DPP6: variants seen among roughly 807,000 people sequenced by gnomAD.
The protein encoded by DPP6 is dipeptidyl peptidase like 6, also known as A-type potassium channel modulatory protein DPP6.
DPP6 carries 69 observed loss-of-function variants against 122.6 expected under a neutral mutation model. The observed-to-expected ratio is 0.56, with a 90% confidence interval of 0.46 to 0.69. The LOEUF is 0.69. Ranked by LOEUF, DPP6 falls within the 30% of genes least tolerant of loss-of-function variation. DPP6 has a pLI of 0.00. For missense variants in DPP6, 928 were observed against 1,116.9 expected (o/e 0.83, Z 2.41); for synonymous variants, 418 against 433.1 (o/e 0.97, Z 0.43).
rs536844791 is a variant in DPP6, at chr7:154,607,334, C to T, written c.628-30487C>T. Reference sequence around the variant, plus strand: ...CAGCACTTTGGGAGGCCGAGGCAGGCGGATCACGAGGTTAGGAGATTGAGA... The same window carrying T: ...CAGCACTTTGGGAGGCCGAGGCAGGTGGATCACGAGGTTAGGAGATTGAGA... On this transcript the variant is annotated intron_variant, in intron 5 of 25. Coordinates refer to ENST00000377770, the MANE Select transcript of DPP6 (RefSeq NM_130797.4). Among the ~76,000 whole-genome samples, 6 of 117,118 alleles carry T rather than the reference C, an allele frequency of 5.1e-5. 2 individuals carry two copies. Among genetic ancestry groups the T allele is most frequent in the Non-Finnish European group, 7.6e-5 (4 of 52,460 alleles). 76.8% of individuals were successfully genotyped at this position (117,118 alleles called of 152,430 possible).
At chr7:153,807,347 G>C in the DPP6 span, among the ~76,000 whole-genome samples, 4 of 151,476 alleles carry the variant, frequency 2.6e-5, no homozygotes, top group Admixed American at 2.6e-4. Context: ...AGGTTGCAGT[G>C]AGCCGAGATC....
At chr7:153,949,418 A>G (rs1389506885) in intron 1 of DPP6, among the ~76,000 whole-genome samples, 1 of 152,170 alleles carries the variant, frequency 6.6e-6, no homozygotes, top group African/African-American at 2.4e-5. Flanking sequence ...GACTCAATCA[A>G]GGGCTTGCAT....
At chr7:154,532,386 GA>G (rs1050481782) in intron 3 of DPP6, among the ~76,000 whole-genome samples, 10 of 151,142 alleles carry the variant, frequency 6.6e-5, no homozygotes, top group East Asian at 3.9e-4. Context: ...AACTAGAAAG[GA>G]AAAAAAATAT....
intron 1 of DPP6, among the ~76,000 whole-genome samples, chr7:154,225,685 TTTTACC>T (rs1340667475): frequency 6.6e-6 from 1 of 152,048 alleles, no homozygotes; most frequent in African/African-American, 2.4e-5. Context: ...GAATGTTTCA[TTTTACC>T]TATTCTATCG....
intron 12 of DPP6, among the ~76,000 whole-genome samples, chr7:154,798,250 G>A (rs555794588): frequency 1.8e-4 from 27 of 152,284 alleles, no homozygotes; most frequent in South Asian, 2.1e-4. Flanking sequence ...GTCCTCCAGC[G>A]CTCACTTCAT....
intron 1 of DPP6, among the ~76,000 whole-genome samples, chr7:154,010,716 T>C (rs1251084074): frequency 6.6e-6 from 1 of 152,196 alleles, no homozygotes; most frequent in African/African-American, 2.4e-5. Flanking sequence ...AGAGCTTGAC[T>C]TGGGGAAATT....
At chr7:154,157,335 G>T (rs1419226293) in intron 1 of DPP6, among the ~76,000 whole-genome samples, 1 of 152,340 alleles carries the variant, frequency 6.6e-6, no homozygotes, top group South Asian at 2.1e-4. Context: ...GCCCGGCACA[G>T]GTCCCTTCCC....
intron 5 of DPP6, among the ~76,000 whole-genome samples, chr7:154,574,910 G>A (rs1221544134): frequency 1.9e-4 from 25 of 133,590 alleles, no homozygotes; most frequent in East Asian, 1.3e-3. Flanking sequence ...TGTGGTGTGC[G>A]TGTGTGTATG....
intron 1 of DPP6, among the ~76,000 whole-genome samples, chr7:154,018,166 C>T (rs1199972128): frequency 6.6e-6 from 1 of 151,916 alleles, no homozygotes; most frequent in Non-Finnish European, 1.5e-5. Flanking sequence ...GGCCCCCTAT[C>T]CTGCTGTAGA....
the DPP6 span, among the ~76,000 whole-genome samples, chr7:153,817,020 C>A: frequency 6.7e-6 from 1 of 150,184 alleles, no homozygotes; most frequent in Admixed American, 6.6e-5. Flanking sequence ...ACATAAAATT[C>A]TTGCCAAATT....
At chr7:154,702,421 T>G (rs766783927) in intron 7 of DPP6, among the ~76,000 whole-genome samples, 12 of 152,344 alleles carry the variant, frequency 7.9e-5, no homozygotes, top group Non-Finnish European at 1.6e-4. Flanking sequence ...TGCCAAATAG[T>G]TAGCCAAATT....
chr7:154,663,626 C>T (rs1161085138), intron 6 of DPP6, among the ~76,000 whole-genome samples: 3 of 26,948 alleles, frequency 1.1e-4, no homozygotes, highest in African/African-American at 2.2e-4. Context: ...AGTGTTCACG[C>T]AGTCATGGTG....
At chr7:154,209,968 A>G (rs1799653361) in intron 1 of DPP6, among the ~76,000 whole-genome samples, 1 of 152,152 alleles carries the variant, frequency 6.6e-6, no homozygotes, top group Non-Finnish European at 1.5e-5. Context: ...TCCAGGAGAG[A>G]CATCCAAGTG....
chr7:153,814,707 C>T, the DPP6 span, among the ~76,000 whole-genome samples: 1 of 152,156 alleles, frequency 6.6e-6, no homozygotes, highest in Admixed American at 6.5e-5. Flanking sequence ...CAAAAATCCT[C>T]AATAAAATAC....
the DPP6 span, among the ~76,000 whole-genome samples, chr7:153,864,246 T>C: frequency 2.0e-5 from 3 of 152,214 alleles, no homozygotes; most frequent in African/African-American, 7.2e-5. Context: ...CATCACTTGT[T>C]ATTATCTGAC....
intron 3 of DPP6, among the ~76,000 whole-genome samples, chr7:154,514,276 A>G (rs902644899): frequency 1.3e-5 from 2 of 151,970 alleles, no homozygotes; most frequent in Non-Finnish European, 2.9e-5. Flanking sequence ...ACTCCCTCTC[A>G]AAAAGAAAAA....
intron 1 of DPP6, among the ~76,000 whole-genome samples, chr7:154,081,441 A>G (rs1381140910): frequency 8.2e-6 from 1 of 122,238 alleles, no homozygotes; most frequent in Non-Finnish European, 1.8e-5. Flanking sequence ...ATGATGCTAA[A>G]ACAACAGACA....
chr7:154,267,275 T>C (rs1803479629), intron 1 of DPP6, among the ~76,000 whole-genome samples: 2 of 149,648 alleles, frequency 1.3e-5, no homozygotes. Flanking sequence ...CAACATTTTT[T>C]CATTTTATTA....
chr7:154,168,813 A>G (rs1797385757), intron 1 of DPP6, among the ~76,000 whole-genome samples: 1 of 152,242 alleles, frequency 6.6e-6, no homozygotes, highest in South Asian at 2.1e-4. Flanking sequence ...GCTAGGATGC[A>G]TGCTAAGAAC....
Sources: gnomAD v4.1 joint callset for allele counts (sites outside exome capture counted in the v4.1 genomes callset) on GRCh38, gnomAD v4.1.1 for gene constraint, MANE v1.5 for transcripts, NCBI Gene and HGNC (gene_info 2026-07-23, HGNC 2026-07-21) for gene names.